LPCAT2: variants seen among roughly 807,000 people sequenced by gnomAD.
LPCAT2 encodes the protein 1-AGP acyltransferase 11.
Under a neutral mutation model 64.7 loss-of-function variants are expected in LPCAT2, and 58 were observed. The ratio of observed to expected loss-of-function variants is 0.90; its 90% CI spans 0.73 to 1.12. The LOEUF (loss-of-function observed/expected upper bound fraction) is 1.12, where lower values mean the gene tolerates loss of function less well. Among genes scored for constraint, LPCAT2 ranks in the 50% most tolerant of loss-of-function variants. The pLI, the probability that LPCAT2 is intolerant of heterozygous loss-of-function variation, is 0.00. For synonymous variants in LPCAT2, 252 were observed against 245.3 expected, an observed-to-expected ratio of 1.03 and a Z score of -0.26; for missense variants, 579 against 669.8, an observed-to-expected ratio of 0.86 and a Z score of 1.50.
At chr16:55,524,808 G>A (rs1278382433) in intron 1 of LPCAT2, among the ~76,000 whole-genome samples, 1 of 151,958 alleles carries the variant, frequency 6.6e-6, no homozygotes, top group African/African-American at 2.4e-5. Flanking sequence ...TCTACCACTT[G>A]TGATCTTAAG....
intron 7 of LPCAT2, among the ~76,000 whole-genome samples, chr16:55,534,682 G>A (rs1223280145): frequency 1.3e-5 from 2 of 152,144 alleles, no homozygotes; most frequent in Non-Finnish European, 2.9e-5. Flanking sequence ...AACCCCTGGA[G>A]TCTTCTGTGT....
intron 5 of LPCAT2, 83 bp downstream of exon 5, chr16:55,532,057 CTT>C (rs1963261274): frequency 1.1e-6 from 1 of 891,274 alleles, no homozygotes; most frequent in Non-Finnish European, 1.9e-6. Flanking sequence ...CAAAATAACT[CTT>C]TAGCTTGCTC....
At chr16:55,509,393 G>T (rs1962890679) in intron 1 of LPCAT2, 41 bp downstream of exon 1, 1 of 1,319,078 alleles carries the variant, frequency 7.6e-7, no homozygotes. Flanking sequence ...GTCTGAGGGG[G>T]GCCTAGGTCA....
chr16:55,546,722 T>C (rs1329941635), intron 9 of LPCAT2, among the ~76,000 whole-genome samples: 1 of 152,234 alleles, frequency 6.6e-6, no homozygotes, highest in Non-Finnish European at 1.5e-5. Flanking sequence ...CTATTAAGTG[T>C]ATATAGATGT....
At chr16:55,543,815 C>T (rs891221449) in intron 8 of LPCAT2, among the ~76,000 whole-genome samples, 17 of 152,316 alleles carry the variant, frequency 1.1e-4, no homozygotes, top group African/African-American at 4.1e-4. Context: ...GGCTAAATGA[C>T]TTTTCCAGGA....
At chr16:55,523,483 T>G (rs1441254744) in intron 1 of LPCAT2, among the ~76,000 whole-genome samples, 1 of 151,770 alleles carries the variant, frequency 6.6e-6, no homozygotes, top group Non-Finnish European at 1.5e-5. Flanking sequence ...GATTTGAACA[T>G]TGATGTTCAT....
intron 11 of LPCAT2, among the ~76,000 whole-genome samples, chr16:55,565,168 G>C (rs1422117951): frequency 3.3e-5 from 5 of 150,792 alleles, no homozygotes; most frequent in African/African-American, 1.2e-4. Context: ...ACAGCCATTA[G>C]GATGGCTATT....
chr16:55,511,670 T>C (rs1416194956), intron 1 of LPCAT2, among the ~76,000 whole-genome samples: 1 of 152,222 alleles, frequency 6.6e-6, no homozygotes, highest in African/African-American at 2.4e-5. Flanking sequence ...AATTTGTCAA[T>C]GAGTTAACTC....
intron 1 of LPCAT2, among the ~76,000 whole-genome samples, chr16:55,519,079 A>G (rs1963054574): frequency 8.4e-6 from 1 of 118,870 alleles, no homozygotes. Context: ...GAACTCACCA[A>G]TAAAAAGATA....
In LPCAT2 at chr16:55,585,921, A is replaced by T. The variant is rs2142431937; in HGVS notation, c.*2823A>T. 6.6e-6 allele frequency: 1 copy of T among 152,342 alleles called. No homozygotes were observed. Among genetic ancestry groups the T allele is most frequent in the East Asian group, 1.9e-4 (1 of 5,178 alleles). 9.4% of individuals were successfully genotyped at this position (152,342 alleles called of 1,614,324 possible). On this transcript the variant is annotated 3_prime_UTR_variant, in exon 14 of 14. Coordinates refer to ENST00000262134, the MANE Select transcript of LPCAT2 (RefSeq NM_017839.5). Reference sequence around the variant, plus strand: ...GAAGGCCACTAATTGATGCTCAAATAGAAGGATATTGACTATATTGGAACA... The same window carrying T: ...GAAGGCCACTAATTGATGCTCAAATTGAAGGATATTGACTATATTGGAACA...
In LPCAT2 at chr16:55,528,516, G is replaced by T; in HGVS notation, c.451G>T (p.Asp151Tyr). The change falls in exon 3 of 14, where the codon GAT (aspartate) becomes TAT (tyrosine). Residue 151 changes from aspartate (D) to tyrosine (Y), a missense_variant. By Grantham distance (160) the Asp-to-Tyr change is radical. Coordinates refer to ENST00000262134, the MANE Select transcript of LPCAT2 (RefSeq NM_017839.5). ...TGCTGCCCCTCATTCAACATTCTTT[G>T]ATGGAATTGCCTGTGTTGTAGCTGG... ...FVAAPHSTFF[D>Y]GIACVVAGLP... 1 of 1,613,972 alleles carries T rather than the reference G, an allele frequency of 6.2e-7. No individual in the cohort carries two copies. Among genetic ancestry groups the T allele is most frequent in the South Asian group, 1.1e-5 (1 of 91,080 alleles).
At position 55,537,596 on chromosome 16, in the gene LPCAT2, T is replaced by C. The variant is rs976051569; in HGVS notation, c.816T>C (p.Leu272=). Residue 272 remains leucine (L), a synonymous_variant, in exon 8 of 14, where the codon CTT becomes CTC. Coordinates refer to ENST00000262134, the MANE Select transcript of LPCAT2 (RefSeq NM_017839.5). ...QGYTFIQLCM[L]TFCQLFTKVE... ...TCTTCAGCATTCAGCTTTGTATGCTTACTTTCTGCCAGCTCTTCACAAAGG... is the reference window on the plus strand; with the variant it reads ...TCTTCAGCATTCAGCTTTGTATGCTCACTTTCTGCCAGCTCTTCACAAAGG... 6.2e-7 allele frequency: 1 copy of C among 1,613,300 alleles called. No individual in the cohort carries two copies. The highest frequency in any genetic ancestry group is 1.3e-5 in the African/African-American group (1 of 74,876).
At chr16:55,540,496 T>G (rs1343234072) in intron 8 of LPCAT2, 4 of 152,230 alleles carry the variant, frequency 2.6e-5, no homozygotes, top group Admixed American at 2.6e-4. Context: ...TAAGAGTCTG[T>G]TAGTTTATCT....
chr16:55,562,028 AG>A (rs1351339210), intron 11 of LPCAT2, among the ~76,000 whole-genome samples: 2 of 152,042 alleles, frequency 1.3e-5, no homozygotes, highest in Non-Finnish European at 2.9e-5. Context: ...TAATTTCCAA[AG>A]TAATTTCACA....
At chr16:55,561,733 C>A (rs1322347803) in intron 11 of LPCAT2, among the ~76,000 whole-genome samples, 1 of 152,000 alleles carries the variant, frequency 6.6e-6, no homozygotes, top group Non-Finnish European at 1.5e-5. Context: ...GGGTTTAAAT[C>A]TGTCTAAAGC....
chr16:55,525,724 A>G, intron 2 of LPCAT2, 77 bp downstream of exon 2: 1 of 1,120,922 alleles, frequency 8.9e-7, no homozygotes, highest in Non-Finnish European at 1.2e-6. Context: ...AGAAGAGTTC[A>G]TCATAGTTTA....
intron 7 of LPCAT2, 89 bp downstream of exon 7, chr16:55,534,566 T>C: frequency 1.6e-6 from 1 of 637,552 alleles, no homozygotes; most frequent in Non-Finnish European, 2.6e-6. Flanking sequence ...TAAAAAAGTA[T>C]TATTTTAAAA....
chr16:55,531,842 T>C, intron 4 of LPCAT2, 72 bp from the exon 5 acceptor site: 1 of 970,098 alleles, frequency 1.0e-6, no homozygotes, highest in East Asian at 2.4e-5. Flanking sequence ...GTTTGTGAAG[T>C]CATAAGAAAG....
At position 55,583,356 on chromosome 16, in the gene LPCAT2, T is replaced by A; in HGVS notation, c.*258T>A. On this transcript the variant is annotated 3_prime_UTR_variant, in exon 14 of 14. Coordinates refer to ENST00000262134, the MANE Select transcript of LPCAT2 (RefSeq NM_017839.5). ...TGGTGATACATATGTTTTTATGGAT[T>A]TTCCAGTTTAATTTGCATATACAAA... is the stretch of plus-strand genomic sequence containing the variant. 1 of 321,370 alleles carries A rather than the reference T, an allele frequency of 3.1e-6. No homozygotes were observed. The highest frequency in any genetic ancestry group is 5.4e-5 in the East Asian group (1 of 18,392). 19.9% of individuals were successfully genotyped at this position (321,370 alleles called of 1,614,324 possible).
Sources: gnomAD v4.1 joint callset for allele counts (sites outside exome capture counted in the v4.1 genomes callset) on GRCh38, gnomAD v4.1.1 for gene constraint, MANE v1.5 for transcripts, NCBI Gene and HGNC (gene_info 2026-07-23, HGNC 2026-07-21) for gene names.